Variants in PLCXD3 observed in about 807,000 individuals in gnomAD.
PLCXD3 encodes PI-PLC X domain-containing protein 3.
PLCXD3 carries 19 observed loss-of-function variants against 25.5 expected under a neutral mutation model. That is an observed-to-expected ratio of 0.75 (90% CI 0.52 to 1.09). The LOEUF (loss-of-function observed/expected upper bound fraction) is 1.09, where lower values mean the gene tolerates loss of function less well. Among genes scored for constraint, PLCXD3 ranks in the 50% least tolerant of loss-of-function variants. The pLI, the probability that PLCXD3 is intolerant of heterozygous loss-of-function variation, is 0.00. For synonymous variants in PLCXD3, 174 were observed against 137.6 expected (o/e 1.26, Z -1.85); for missense variants, 411 against 388.1 (o/e 1.06, Z -0.50).
At chr5:41,394,850 A>C (rs1455887244) in intron 1 of PLCXD3, among the ~76,000 whole-genome samples, 1 of 152,200 alleles carries the variant, frequency 6.6e-6, no homozygotes, top group Non-Finnish European at 1.5e-5. Context: ...AGCTAAAGAA[A>C]GATATAGGCC....
At chr5:41,354,608 T>A (rs1194816590) in intron 2 of PLCXD3, among the ~76,000 whole-genome samples, 1 of 152,174 alleles carries the variant, frequency 6.6e-6, no homozygotes, top group Non-Finnish European at 1.5e-5. Context: ...CCTCATTCAA[T>A]GACACACATG....
At chr5:41,386,429 C>A (rs1745636795) in intron 1 of PLCXD3, among the ~76,000 whole-genome samples, 1 of 152,064 alleles carries the variant, frequency 6.6e-6, no homozygotes. Flanking sequence ...CTGGACTTAA[C>A]TTCTCATTCT....
At chr5:41,316,523 T>C (rs558852895) in intron 2 of PLCXD3, among the ~76,000 whole-genome samples, 1 of 152,304 alleles carries the variant, frequency 6.6e-6, no homozygotes, top group Non-Finnish European at 1.5e-5. Context: ...GTACCAACAC[T>C]GCCATGGTTG....
chr5:41,417,154 A>G (rs1049983579), intron 1 of PLCXD3, among the ~76,000 whole-genome samples: 1 of 152,186 alleles, frequency 6.6e-6, no homozygotes, highest in Non-Finnish European at 1.5e-5. Flanking sequence ...CACTTTGTAA[A>G]TCATAGGGCT....
chr5:41,450,748 T>G (rs1454070188), intron 1 of PLCXD3, among the ~76,000 whole-genome samples: 1 of 152,084 alleles, frequency 6.6e-6, no homozygotes, highest in Non-Finnish European at 1.5e-5. Flanking sequence ...AGATACCACC[T>G]GCAGGTCCTT....
intron 1 of PLCXD3, among the ~76,000 whole-genome samples, chr5:41,432,483 C>A (rs1320175055): frequency 6.6e-6 from 1 of 152,166 alleles, no homozygotes; most frequent in East Asian, 1.9e-4. Context: ...TGAGGTTGTT[C>A]ATTCCTTATT....
rs1362260606 is a variant in PLCXD3, at chr5:41,491,150, G to T, written c.103+19274C>A. On this transcript the variant is annotated intron_variant, in intron 1 of 2. Coordinates refer to ENST00000377801, the MANE Select transcript of PLCXD3 (RefSeq NM_001005473.3). ...GCATGTTGTGTCTTTGTTCTCATTG[G>T]TTTCAAAGAATATCTTTCTTTCTGC... Among the ~76,000 whole-genome samples the T allele has an allele frequency of 7.2e-5, 11 of 152,250 alleles. No homozygotes were observed. In the East Asian group the frequency reaches 1.9e-3, roughly 27 times the overall value.
At chr5:41,501,151 C>G (rs1044681604) in intron 1 of PLCXD3, among the ~76,000 whole-genome samples, 1 of 151,962 alleles carries the variant, frequency 6.6e-6, no homozygotes, top group Non-Finnish European at 1.5e-5. Context: ...AATGGAATTA[C>G]GTCGAAATTT....
At chr5:41,337,476 C>G (rs776306414) in intron 2 of PLCXD3, among the ~76,000 whole-genome samples, 2 of 152,116 alleles carry the variant, frequency 1.3e-5, no homozygotes, top group Non-Finnish European at 2.9e-5. Flanking sequence ...CCCAGTGCAT[C>G]CTTTCCAAGA....
At chr5:41,369,236 A>G (rs1377762672) in intron 2 of PLCXD3, among the ~76,000 whole-genome samples, 1 of 152,094 alleles carries the variant, frequency 6.6e-6, no homozygotes, top group Non-Finnish European at 1.5e-5. Flanking sequence ...ACAAGAAAAA[A>G]CTAAGTTTTC....
chr5:41,379,108 A>G (rs1449706772), intron 2 of PLCXD3, among the ~76,000 whole-genome samples: 1 of 152,102 alleles, frequency 6.6e-6, no homozygotes, highest in African/African-American at 2.4e-5. Flanking sequence ...CCCAAAATGT[A>G]AAAGTTAAAA....
intron 2 of PLCXD3, among the ~76,000 whole-genome samples, chr5:41,328,488 G>A (rs773907014): frequency 1.5e-4 from 23 of 152,190 alleles, no homozygotes; most frequent in Non-Finnish European, 2.8e-4. Flanking sequence ...TTCTTGGAAT[G>A]GCTTTGTTTC....
intron 1 of PLCXD3, among the ~76,000 whole-genome samples, chr5:41,410,174 C>G (rs1580358606): frequency 1.4e-5 from 2 of 141,444 alleles, no homozygotes; most frequent in East Asian, 2.0e-4. Flanking sequence ...GAGTCTCACT[C>G]TGTTGCCCAG....
At chr5:41,457,983 A>T (rs1378010061) in intron 1 of PLCXD3, among the ~76,000 whole-genome samples, 2 of 151,904 alleles carry the variant, frequency 1.3e-5, no homozygotes, top group Non-Finnish European at 1.5e-5. Context: ...GGACAAAGAA[A>T]AAAATAGAAG....
chr5:41,455,506 C>T (rs1747732766), intron 1 of PLCXD3, among the ~76,000 whole-genome samples: 1 of 151,738 alleles, frequency 6.6e-6, no homozygotes, highest in Admixed American at 6.6e-5. Flanking sequence ...AAGGGGTAAG[C>T]CTTAAGCTCA....
At chr5:41,493,003 G>A (rs970507156) in intron 1 of PLCXD3, among the ~76,000 whole-genome samples, 5 of 152,292 alleles carry the variant, frequency 3.3e-5, no homozygotes, top group South Asian at 2.1e-4. Context: ...GAGGAGAGGC[G>A]CTCTGCTTTT....
chr5:41,497,366 AGAAT>A (rs2111570704), intron 1 of PLCXD3, among the ~76,000 whole-genome samples: 1 of 152,054 alleles, frequency 6.6e-6, no homozygotes, highest in Non-Finnish European at 1.5e-5. Flanking sequence ...TAACCAAAAG[AGAAT>A]GGAATGGCCA....
intron 1 of PLCXD3, among the ~76,000 whole-genome samples, chr5:41,429,855 A>G (rs1395637846): frequency 1.3e-5 from 2 of 152,196 alleles, no homozygotes; most frequent in Non-Finnish European, 2.9e-5. Context: ...GATAAGGTAT[A>G]GTTTTAACTT....
At chr5:41,494,065 A>G (rs1174201725) in intron 1 of PLCXD3, among the ~76,000 whole-genome samples, 2 of 152,126 alleles carry the variant, frequency 1.3e-5, no homozygotes, top group Non-Finnish European at 2.9e-5. Flanking sequence ...AGCTGTTCCT[A>G]TTCAGCCATC....
Sources: gnomAD v4.1 joint callset for allele counts (sites outside exome capture counted in the v4.1 genomes callset) on GRCh38, gnomAD v4.1.1 for gene constraint, MANE v1.5 for transcripts, NCBI Gene and HGNC (gene_info 2026-07-23, HGNC 2026-07-21) for gene names.